Variants in NCF1 observed in about 807,000 individuals in gnomAD.
NCF1 encodes the protein neutrophil cytosol factor 1.
A neutral mutation model predicts 34.9 loss-of-function variants in NCF1; 8 were observed. The observed-to-expected ratio is 0.23, with a 90% CI of 0.13 to 0.41. The LOEUF is 0.41. Ranked by LOEUF, NCF1 falls within the 10% of genes least tolerant of loss-of-function variation. The probability of loss-of-function intolerance (pLI) is 1.00; values close to 1 mark genes in which losing one functional copy is unlikely to be tolerated. For synonymous variants in NCF1, 57 were observed against 146.3 expected (o/e 0.39, Z 4.41); for missense variants, 122 against 362.4 (o/e 0.34, Z 5.39).
intron 7 of NCF1, among the ~76,000 whole-genome samples, chr7:74,783,951 A>T (rs1227764699): frequency 6.6e-6 from 1 of 151,284 alleles, no homozygotes; most frequent in Non-Finnish European, 1.5e-5. Context: ...AAGTGGGGGC[A>T]TCATCACTGA....
chr7:74,778,436 G>C (rs782574958), intron 2 of NCF1: 4 of 434,588 alleles, frequency 9.2e-6, no homozygotes, highest in South Asian at 4.9e-5. Context: ...TGAGTTTTAA[G>C]AGGATCCCTT....
chr7:74,787,127 G>C (rs1297889160), intron 8 of NCF1, among the ~76,000 whole-genome samples: 2 of 150,968 alleles, frequency 1.3e-5, no homozygotes, highest in East Asian at 3.9e-4. Flanking sequence ...GTTTATCCCA[G>C]AGTAAAACCT....
chr7:74,775,791 T>C (rs587682397), intron 1 of NCF1, among the ~76,000 whole-genome samples: 1 of 137,478 alleles, frequency 7.3e-6, no homozygotes, highest in Non-Finnish European at 1.6e-5. Context: ...TGGAGTGCAG[T>C]GGTGCAATCT....
At chr7:74,782,553 G>A (rs1324161850) in intron 5 of NCF1, among the ~76,000 whole-genome samples, 4 of 143,188 alleles carry the variant, frequency 2.8e-5, no homozygotes, top group Middle Eastern at 7.2e-3. Flanking sequence ...AGACCAGCCT[G>A]GGCATTGTCC....
intron 1 of NCF1, among the ~76,000 whole-genome samples, chr7:74,775,624 C>G (rs1351334041): frequency 4.3e-5 from 2 of 46,818 alleles, no homozygotes; most frequent in Non-Finnish European, 8.4e-5. Context: ...GAGGTTTCCC[C>G]GATTATCCTG....
At chr7:74,777,668 C>A in intron 2 of NCF1, 1 of 343,760 alleles carries the variant, frequency 2.9e-6, no homozygotes, top group Non-Finnish European at 5.7e-6. Context: ...AAGCGATCCT[C>A]CTGCCTCAGC....
At chr7:74,782,220 C>A in intron 5 of NCF1, among the ~76,000 whole-genome samples, 1 of 106,378 alleles carries the variant, frequency 9.4e-6, no homozygotes, top group Non-Finnish European at 1.9e-5. Context: ...GGTTGAATCA[C>A]CTGAGGTCAG....
chr7:74,786,987 G>A (rs1158073863), intron 8 of NCF1, among the ~76,000 whole-genome samples: 1 of 141,064 alleles, frequency 7.1e-6, no homozygotes. Flanking sequence ...AGAATAGAAA[G>A]AAAGTCTTTT....
Position 74,777,279 on chromosome 7 carries a change from C to G in NCF1, c.85C>G (p.Leu29Val), listed in dbSNP as rs1554413126. The G allele has an allele frequency of 6.2e-7, 1 of 1,612,608 alleles. No homozygotes were observed. The highest frequency in any genetic ancestry group is 8.5e-7 in the Non-Finnish European group (1 of 1,179,258). ...VPSQHYVYMF[L>V]VKWQDLSEKV... The stretch of plus-strand genomic sequence containing the variant: ...GGCTTTCCCCCAGGTGTACATGTTC[C>G]TGGTGAAATGGCAGGACCTGTCGGA... Residue 29 changes from leucine (L) to valine (V), a missense_variant, in exon 2 of 11, where the codon CTG becomes GTG. Leu to Val is a conservative substitution (Grantham distance 32). Transcript: ENST00000289473.
intron 8 of NCF1, among the ~76,000 whole-genome samples, chr7:74,787,589 T>C (rs1796697069): frequency 6.6e-6 from 1 of 152,002 alleles, no homozygotes; most frequent in Non-Finnish European, 1.5e-5. Flanking sequence ...TCTTTACTTT[T>C]TTCGGGAGGT....
At position 74,777,247 on chromosome 7, in the gene NCF1, C is replaced by T. The variant is rs200663210; in HGVS notation, c.73-20C>T. On this transcript the variant is annotated intron_variant, in intron 1 of 10. Coordinates refer to ENST00000289473, the MANE Select transcript of NCF1 (RefSeq NM_000265.7). Reference sequence around the variant, plus strand: ...TCTTTGGAGGCTGAATGGGGTCCCCCGACTCTGGCTTTCCCCCAGGTGTAC... The same window carrying T: ...TCTTTGGAGGCTGAATGGGGTCCCCTGACTCTGGCTTTCCCCCAGGTGTAC... The T allele has an allele frequency of 3.9e-5, 63 of 1,611,728 alleles. 1 individual carries two copies. The Admixed American group carries it at 5.0e-4, about 13-fold the overall frequency.
intron 10 of NCF1, 128 bp downstream of exon 10, chr7:74,788,832 A>T (rs1466298715): frequency 2.2e-6 from 3 of 1,344,698 alleles, no homozygotes; most frequent in Admixed American, 4.0e-5. Context: ...AGAGGCGGGG[A>T]CTGGAGGCGG....
At chr7:74,778,721 A>C (rs1796521523) in intron 2 of NCF1, among the ~76,000 whole-genome samples, 2 of 117,970 alleles carry the variant, frequency 1.7e-5, no homozygotes, top group Non-Finnish European at 3.6e-5. Flanking sequence ...GTCACCCAGG[A>C]TGGAGTGCAG....
At chr7:74,787,245 C>A (rs1796691061) in intron 8 of NCF1, among the ~76,000 whole-genome samples, 1 of 151,958 alleles carries the variant, frequency 6.6e-6, no homozygotes, top group Non-Finnish European at 1.5e-5. Flanking sequence ...TGAGACCAGC[C>A]ATGACCAACA....
chr7:74,781,930 AC>A (rs1796575930), intron 5 of NCF1, among the ~76,000 whole-genome samples: 1 of 151,512 alleles, frequency 6.6e-6, no homozygotes, highest in African/African-American at 2.4e-5. Context: ...ACTTAAGAGT[AC>A]CTTTCTCTTA....
chr7:74,782,019 T>C (rs800981), intron 5 of NCF1, among the ~76,000 whole-genome samples: 117,769 of 141,942 alleles, frequency 0.83, 48,978 homozygotes, highest in East Asian at 0.96. Flanking sequence ...CAGCCAATAC[T>C]AAACAGCATC....
rs1393288249 is a variant in NCF1 at position 74,781,361 on chromosome 7, G to A, written c.451+526G>A. Reference sequence around the variant, plus strand: ...GCGCAGACCCTTGCTACTGGCAGCCGGGGGAGTGTTTGCGGCTGAATGAAT... The same window carrying A: ...GCGCAGACCCTTGCTACTGGCAGCCAGGGGAGTGTTTGCGGCTGAATGAAT... On this transcript the variant is annotated intron_variant, in intron 5 of 10. Coordinates refer to ENST00000289473, the MANE Select transcript of NCF1 (RefSeq NM_000265.7). 2.0e-4 allele frequency among the ~76,000 whole-genome samples: 9 copies of A among 44,896 alleles called. 2 individuals are homozygous for A. Among genetic ancestry groups the A allele is most frequent in the Non-Finnish European group, 2.8e-4 (7 of 25,174 alleles). 29.5% of individuals were successfully genotyped at this position (44,896 alleles called of 152,430 possible).
At chr7:74,788,787 G>T (rs1279515744) in intron 10 of NCF1, 83 bp downstream of exon 10, 2 of 1,477,178 alleles carry the variant, frequency 1.4e-6, no homozygotes, top group Non-Finnish European at 1.8e-6. Context: ...TAGGGCCAGA[G>T]TAGCGGGGCG....
At chr7:74,783,150 C>T in intron 6 of NCF1, 89 bp downstream of exon 6, 6 of 1,576,622 alleles carry the variant, frequency 3.8e-6, no homozygotes, top group Non-Finnish European at 5.2e-6. Flanking sequence ...GCAGCCTTGC[C>T]CCTGGGAGGA....
Sources: gnomAD v4.1 joint callset for allele counts (sites outside exome capture counted in the v4.1 genomes callset) on GRCh38, gnomAD v4.1.1 for gene constraint, MANE v1.5 for transcripts, NCBI Gene and HGNC (gene_info 2026-07-23, HGNC 2026-07-21) for gene names.